ARMC9: variants seen among roughly 807,000 people sequenced by gnomAD.
ARMC9 encodes the protein lisH domain-containing protein ARMC9.
ARMC9 carries 94 observed loss-of-function variants against 107.0 expected under a neutral mutation model. The observed-to-expected ratio is 0.88, with a 90% CI of 0.74 to 1.04. The LOEUF (loss-of-function observed/expected upper bound fraction) is 1.04. Among genes scored for constraint, ARMC9 ranks in the 50% least tolerant of loss-of-function variants. The pLI, the probability that ARMC9 is intolerant of heterozygous loss-of-function variation, is 0.00. For synonymous variants in ARMC9, 380 were observed against 396.9 expected (o/e 0.96, Z 0.51); for missense variants, 942 against 1,030.1 (o/e 0.91, Z 1.17).
At chr2:231,308,699 C>T (rs942924619) in intron 19 of ARMC9, among the ~76,000 whole-genome samples, 2 of 152,226 alleles carry the variant, frequency 1.3e-5, no homozygotes, top group Non-Finnish European at 2.9e-5. Context: ...CCAGACAGTT[C>T]CTGACCAGCC....
chr2:231,230,750 A>G (rs1302896913), intron 7 of ARMC9, among the ~76,000 whole-genome samples: 1 of 152,200 alleles, frequency 6.6e-6, no homozygotes, highest in East Asian at 1.9e-4. Context: ...TGGATTACCT[A>G]TACCTAATAC....
intron 9 of ARMC9, 183 bp from the exon 10 acceptor site, chr2:231,256,403 G>A: frequency 3.4e-6 from 4 of 1,188,574 alleles, no homozygotes; most frequent in Non-Finnish European, 3.7e-6. Flanking sequence ...TCCGCCACAC[G>A]GAATTGAGAT....
chr2:231,270,477 G>A (rs557866771), intron 12 of ARMC9: 77 of 375,980 alleles, frequency 2.0e-4, no homozygotes, highest in African/African-American at 1.4e-3. Context: ...CACAGTGCCC[G>A]TTGCTGCCTT....
chr2:231,282,104 C>T lies in ARMC9; in HGVS notation c.1597C>T (p.Pro533Ser), dbSNP rs768230466. The T allele has an allele frequency of 6.2e-7, 1 of 1,614,088 alleles. No individual in the cohort carries two copies. Among genetic ancestry groups the T allele is most frequent in the South Asian group, 1.1e-5 (1 of 91,066 alleles). Reference protein sequence around the residue: ...NGALYSILSVPSIREEARAMG... With the variant: ...NGALYSILSVSSIREEARAMG... The stretch of plus-strand genomic sequence containing the variant: ...AGCTCTGTACAGCATCCTTTCTGTT[C>T]CATCCATTCGTGAGGAAGCAAGAGC... Residue 533 changes from proline to serine, a missense_variant, in exon 17 of 25, where the codon CCA becomes TCA. Physicochemically the swap from Pro to Ser is moderately conservative, Grantham distance 74 (BLOSUM62 -1). Coordinates refer to ENST00000611582, the MANE Select transcript of ARMC9 (RefSeq NM_001352754.2).
In ARMC9 at chr2:231,371,698, G is replaced by A. The variant is rs1386933415; in HGVS notation, c.*163G>A. 1.6e-5 allele frequency: 11 copies of A among 679,092 alleles called. No individual in the cohort carries two copies. Among genetic ancestry groups the A allele is most frequent in the Non-Finnish European group, 1.9e-5 (9 of 483,386 alleles). 42.1% of individuals were successfully genotyped at this position (679,092 alleles called of 1,614,324 possible). A position where few individuals can be genotyped will look rare whatever the true frequency, so the allele number is the denominator to read the frequency against. On this transcript the variant is annotated 3_prime_UTR_variant, in exon 25 of 25. Transcript: ENST00000611582. ...CAGGCAGCACCAGAGCAAGGCCATCGCAGCCCCGCCAGCCGGGTCACTTTC... is the reference window on the plus strand; with the variant it reads ...CAGGCAGCACCAGAGCAAGGCCATCACAGCCCCGCCAGCCGGGTCACTTTC...
At chr2:231,219,207 T>C (rs2033857886) in intron 5 of ARMC9, among the ~76,000 whole-genome samples, 1 of 152,210 alleles carries the variant, frequency 6.6e-6, no homozygotes, top group Non-Finnish European at 1.5e-5. Context: ...AGTTTTACTA[T>C]TTTATGCAAT....
At chr2:231,292,211 A>T (rs2041059733) in intron 18 of ARMC9, among the ~76,000 whole-genome samples, 1 of 151,788 alleles carries the variant, frequency 6.6e-6, no homozygotes, top group Non-Finnish European at 1.5e-5. Context: ...TCAAGGCCAG[A>T]TTGTCCAAAG....
At chr2:231,213,802 A>G (rs867034136) in intron 3 of ARMC9, among the ~76,000 whole-genome samples, 2 of 152,186 alleles carry the variant, frequency 1.3e-5, no homozygotes, top group Non-Finnish European at 2.9e-5. Flanking sequence ...TAAAAGAACA[A>G]TGGCCAATAA....
intron 17 of ARMC9, among the ~76,000 whole-genome samples, chr2:231,285,904 T>C (rs1033618544): frequency 6.7e-6 from 1 of 149,240 alleles, no homozygotes; most frequent in Admixed American, 6.6e-5. Flanking sequence ...TCTCTTTGCA[T>C]GTAGGTCTCA....
At chr2:231,369,926 G>A in intron 23 of ARMC9, 27 bp from the exon 24 acceptor site, 1 of 1,458,104 alleles carries the variant, frequency 6.9e-7, no homozygotes, top group Non-Finnish European at 9.1e-7. Flanking sequence ...TAGTAGCTGG[G>A]ACTCCAGGTT....
intron 22 of ARMC9, among the ~76,000 whole-genome samples, chr2:231,357,004 C>T (rs962615319): frequency 2.0e-5 from 3 of 152,072 alleles, no homozygotes; most frequent in Admixed American, 6.5e-5. Flanking sequence ...ACTGAGAGGC[C>T]CTTTATTTTT....
chr2:231,299,420 T>A (rs1226195256), intron 19 of ARMC9, among the ~76,000 whole-genome samples: 2 of 151,970 alleles, frequency 1.3e-5, no homozygotes, highest in Non-Finnish European at 1.5e-5. Context: ...ATAAGGAAGT[T>A]TGGGTGAAAA....
Position 231,226,766 on chromosome 2 carries a change from C to T in ARMC9, c.598-8C>T, listed in dbSNP as rs3731776. ...TGCCTGTTTTCCTGAACTTCTTTTTCATCCCAGAAGGAGAATGGACAAAGT... is the reference window on the plus strand; with the variant it reads ...TGCCTGTTTTCCTGAACTTCTTTTTTATCCCAGAAGGAGAATGGACAAAGT... On this transcript the variant is annotated splice_polypyrimidine_tract_variant and splice_region_variant and intron_variant, in intron 6 of 24. Transcript: ENST00000611582. The T allele has an allele frequency of 0.043, 69,496 of 1,612,994 alleles. 5,504 individuals carry two copies. The highest frequency in any genetic ancestry group is 0.29 in the African/African-American group (21,878 of 74,842).
rs1270237398 is a variant in ARMC9, at chr2:231,337,288, A to T, written c.1878+5391A>T. On this transcript the variant is annotated intron_variant, in intron 20 of 24. Coordinates refer to ENST00000611582, the MANE Select transcript of ARMC9 (RefSeq NM_001352754.2). ...TGTGTGTGTATATATATATATATATATATTTTTTTTTTTTTTTTTTTTTTT... is the reference window on the plus strand; with the variant it reads ...TGTGTGTGTATATATATATATATATTTATTTTTTTTTTTTTTTTTTTTTTT... Among the ~76,000 whole-genome samples, 197 of 52,256 alleles carry T rather than the reference A, an allele frequency of 3.8e-3. 2 individuals carry two copies. Among genetic ancestry groups the T allele is most frequent in the African/African-American group, 0.011 (141 of 13,172 alleles). 34.3% of individuals were successfully genotyped at this position (52,256 alleles called of 152,430 possible).
chr2:231,250,630 G>A (rs1343948742), intron 9 of ARMC9, among the ~76,000 whole-genome samples: 2 of 152,182 alleles, frequency 1.3e-5, no homozygotes, highest in African/African-American at 2.4e-5. Context: ...GAAGATCGGA[G>A]CTATCTTGGA....
intron 19 of ARMC9, among the ~76,000 whole-genome samples, chr2:231,331,089 C>T (rs1398951364): frequency 6.6e-6 from 1 of 152,146 alleles, no homozygotes; most frequent in African/African-American, 2.4e-5. Flanking sequence ...GCACAATGAC[C>T]TGTGATCATG....
chr2:231,289,929 C>T (rs559455331), intron 17 of ARMC9, among the ~76,000 whole-genome samples: 134 of 152,310 alleles, frequency 8.8e-4, no homozygotes, highest in African/African-American at 2.8e-3. Flanking sequence ...TCCTGAGCCA[C>T]GAACCCCTAC....
chr2:231,272,900 A>G lies in ARMC9; in HGVS notation c.1211-55A>G, dbSNP rs574133391. Reference sequence around the variant, plus strand: ...TTTTCGTGGAAAGTGGTTTTGTAGCATACCAGATAAATTATTTCTGTCTTT... The same window carrying G: ...TTTTCGTGGAAAGTGGTTTTGTAGCGTACCAGATAAATTATTTCTGTCTTT... On this transcript the variant is annotated intron_variant, in intron 13 of 24. Transcript: ENST00000611582. 7 of 1,590,068 alleles carry G rather than the reference A, an allele frequency of 4.4e-6. No homozygotes were observed. The African/African-American group carries it at 8.1e-5, about 18-fold the overall frequency.
intron 12 of ARMC9, among the ~76,000 whole-genome samples, chr2:231,266,441 A>G (rs955859860): frequency 5.3e-5 from 8 of 152,290 alleles, no homozygotes; most frequent in African/African-American, 1.9e-4. Flanking sequence ...GACTTCATAA[A>G]TATCTCTCTT....
Sources: allele counts gnomAD v4.1 joint callset (sites outside exome capture counted in the v4.1 genomes callset), GRCh38; gene constraint gnomAD v4.1.1; transcripts MANE v1.5; gene names NCBI Gene and HGNC (gene_info 2026-07-23, HGNC 2026-07-21).